Variants in VPS33A observed in about 807,000 individuals in gnomAD.
The protein encoded by VPS33A is vacuolar protein sorting-associated protein 33A.
In VPS33A, 32 loss-of-function variants were observed where a neutral mutation model predicts 71.8. That is an observed-to-expected ratio of 0.45 (90% CI 0.34 to 0.60). The LOEUF is 0.60. Among genes scored for constraint, VPS33A ranks in the 20% least tolerant of loss-of-function variants. VPS33A has a pLI of 0.02. For missense variants in VPS33A, 625 were observed against 748.5 expected, an observed-to-expected ratio of 0.84 and a Z score of 1.92; for synonymous variants, 311 against 292.7, an observed-to-expected ratio of 1.06 and a Z score of -0.64.
At chr12:122,255,054 GAAA>G (rs35670853) in intron 4 of VPS33A, among the ~76,000 whole-genome samples, 5 of 129,790 alleles carry the variant, frequency 3.9e-5, no homozygotes, top group African/African-American at 5.4e-5. Context: ...CAGTTTCAAG[GAAA>G]AAAAAAAAAA....
At chr12:122,232,512 G>C in intron 12 of VPS33A, 85 bp from the exon 13 acceptor site, 1 of 1,333,442 alleles carries the variant, frequency 7.5e-7, no homozygotes, top group Non-Finnish European at 1.0e-6. Flanking sequence ...TCATTCATAA[G>C]AATAAACAAG....
intron 10 of VPS33A, among the ~76,000 whole-genome samples, chr12:122,237,489 G>A (rs1389272765): frequency 6.6e-6 from 1 of 151,572 alleles, no homozygotes; most frequent in Non-Finnish European, 1.5e-5. Context: ...CAGTTAACAA[G>A]GAAGTATTGT....
intron 3 of VPS33A, among the ~76,000 whole-genome samples, chr12:122,261,650 G>A (rs571125617): frequency 2.0e-4 from 30 of 151,892 alleles, no homozygotes; most frequent in Non-Finnish European, 1.5e-4. Flanking sequence ...GGGCGGATCA[G>A]TTGAGGTCAG....
At chr12:122,244,264 T>G (rs1017032341) in intron 7 of VPS33A, among the ~76,000 whole-genome samples, 1 of 152,218 alleles carries the variant, frequency 6.6e-6, no homozygotes, top group Non-Finnish European at 1.5e-5. Context: ...TGGCTTCCTC[T>G]TAGGCAAGGT....
intron 7 of VPS33A, among the ~76,000 whole-genome samples, chr12:122,242,793 A>T (rs536135734): frequency 1.2e-3 from 181 of 152,218 alleles, no homozygotes; most frequent in Middle Eastern, 0.01. Flanking sequence ...ACCTCAGGTG[A>T]TCCACCCACC....
At chr12:122,258,986 CAAAAAAAAAA>C (rs749562489) in intron 4 of VPS33A, among the ~76,000 whole-genome samples, 1 of 53,214 alleles carries the variant, frequency 1.9e-5, no homozygotes, top group African/African-American at 5.2e-5. Flanking sequence ...CAATCCATCT[CAAAAAAAAAA>C]AAAAAAAAAA....
chr12:122,244,700 G>C lies in VPS33A; in HGVS notation c.838C>G (p.Leu280Val), dbSNP rs1436993307. Residue 280 changes from leucine (L) to valine (V), a missense_variant, in exon 7 of 13, where the codon CTC (leucine) becomes GTC (valine). Physicochemically the swap from Leu to Val is conservative, Grantham distance 32. Transcript: ENST00000267199. ...TGCAGCTTCTTTGCTTCCGTGGGGA[G>C]GTCCTTACCACCATCGCCCTGTTTC... ...PKKQGDGGKD[L>V]PTEAKKLQLN... 6.2e-7 allele frequency: 1 copy of C among 1,614,018 alleles called. No individual in the cohort carries two copies. Among genetic ancestry groups the C allele is most frequent in the Non-Finnish European group, 8.5e-7 (1 of 1,180,028 alleles).
In VPS33A at chr12:122,232,312, G is replaced by A. The variant is rs1402942992; in HGVS notation, c.1725C>T (p.Val575=). The stretch of plus-strand genomic sequence containing the variant: ...CATTCATTAGTTTAGTGGTGGCAAT[G>A]ACATATTCTGTACCTCCATCTTCCA... ...SQLEDGGTEY[V]IATTKLMNGT... is the part of the protein sequence containing the mutation. Residue 575 remains valine (V), a synonymous_variant, in exon 13 of 13, where the codon GTC becomes GTT. Transcript: ENST00000267199. 6 of 1,614,054 alleles carry A rather than the reference G, an allele frequency of 3.7e-6. No homozygotes were observed. In the Admixed American group the frequency reaches 8.3e-5, roughly 22 times the overall value.
chr12:122,245,382 A>G (rs1232465416), intron 6 of VPS33A, among the ~76,000 whole-genome samples: 1 of 152,176 alleles, frequency 6.6e-6, no homozygotes, highest in Non-Finnish European at 1.5e-5. Context: ...AATAGTTTAA[A>G]AGCCATCCTA....
intron 4 of VPS33A, among the ~76,000 whole-genome samples, chr12:122,253,922 C>T (rs1161293008): frequency 6.6e-6 from 1 of 152,056 alleles, no homozygotes; most frequent in African/African-American, 2.4e-5. Flanking sequence ...TGGTCTCGAA[C>T]CCCTAACCTC....
At chr12:122,257,304 G>A (rs1954931452) in intron 4 of VPS33A, among the ~76,000 whole-genome samples, 1 of 151,606 alleles carries the variant, frequency 6.6e-6, no homozygotes, top group Admixed American at 6.6e-5. Flanking sequence ...GTGGATGCCT[G>A]TAATCCCAGC....
chr12:122,263,291 TCTCA>T (rs1955022756), intron 3 of VPS33A, among the ~76,000 whole-genome samples: 1 of 152,082 alleles, frequency 6.6e-6, no homozygotes, highest in African/African-American at 2.4e-5. Context: ...CCATGCCCAG[TCTCA>T]CTTTTTAAGT....
chr12:122,255,431 C>G (rs114932978), intron 4 of VPS33A, among the ~76,000 whole-genome samples: 1 of 152,138 alleles, frequency 6.6e-6, no homozygotes. Context: ...GAGGGTTGGG[C>G]GCAATGGCCC....
Position 122,232,236 on chromosome 12 carries a change from T to G in VPS33A, c.*10A>C, listed in dbSNP as rs1476595505. 1 of 1,607,096 alleles carries G rather than the reference T, an allele frequency of 6.2e-7. No homozygotes were observed. Among genetic ancestry groups the G allele is most frequent in the Non-Finnish European group, 8.5e-7 (1 of 1,176,948 alleles). ...TCTGCAGTACACTTGTTAAGTCTCCTCTGAACATCCTAGAAAGGTTTTTCC... is the reference window on the plus strand; with the variant it reads ...TCTGCAGTACACTTGTTAAGTCTCCGCTGAACATCCTAGAAAGGTTTTTCC... On this transcript the variant is annotated 3_prime_UTR_variant, in exon 13 of 13. Coordinates refer to ENST00000267199, the MANE Select transcript of VPS33A (RefSeq NM_022916.6).
chr12:122,244,718 C>G lies in VPS33A; in HGVS notation c.820G>C (p.Gly274Arg), dbSNP rs910352176. The G allele has an allele frequency of 3.1e-6, 5 of 1,613,902 alleles. No individual in the cohort carries two copies. The highest frequency in any genetic ancestry group is 8.5e-7 in the Non-Finnish European group (1 of 1,179,940). ...PPEKFAPKKQ[G>R]DGGKDLPTEA... ...GTGGGGAGGTCCTTACCACCATCGC[C>G]CTGTTTCTTAGGTGCAAATTTCTCT... The change falls in exon 7 of 13, where the codon GGC (glycine) becomes CGC (arginine). Residue 274 changes from glycine (G) to arginine (R), a missense_variant. Gly to Arg is a moderately radical substitution (Grantham distance 125, BLOSUM62 -2). Coordinates refer to ENST00000267199, the MANE Select transcript of VPS33A (RefSeq NM_022916.6).
At chr12:122,239,703 C>G (rs1166273977) in intron 9 of VPS33A, among the ~76,000 whole-genome samples, 175 bp downstream of exon 9, 1 of 130,346 alleles carries the variant, frequency 7.7e-6, no homozygotes, top group Non-Finnish European at 1.6e-5. Flanking sequence ...TGCACTCCAG[C>G]CTGGGCAACA....
At chr12:122,252,413 C>T (rs1412359281) in intron 4 of VPS33A, among the ~76,000 whole-genome samples, 15 of 152,092 alleles carry the variant, frequency 9.9e-5, no homozygotes, top group South Asian at 8.3e-4. Flanking sequence ...GGACTACAGG[C>T]GCCCGCCACC....
At chr12:122,237,534 CTTTTTT>C (rs59918502) in intron 10 of VPS33A, among the ~76,000 whole-genome samples, 28 of 111,756 alleles carry the variant, frequency 2.5e-4, no homozygotes, top group Admixed American at 1.3e-3. Context: ...TAAAGTTTTT[CTTTTTT>C]TTTTTTTTTT....
chr12:122,237,202 AAC>A (rs1317655772), intron 10 of VPS33A, among the ~76,000 whole-genome samples: 1 of 152,232 alleles, frequency 6.6e-6, no homozygotes, highest in Non-Finnish European at 1.5e-5. Context: ...TATTATAAGT[AAC>A]ACAGGCTTAA....
Sources: gnomAD v4.1 joint callset for allele counts (sites outside exome capture counted in the v4.1 genomes callset) on GRCh38, gnomAD v4.1.1 for gene constraint, MANE v1.5 for transcripts, NCBI Gene and HGNC (gene_info 2026-07-23, HGNC 2026-07-21) for gene names.